Variants in OXNAD1 observed in about 807,000 individuals in gnomAD.
The protein encoded by OXNAD1 is oxidoreductase NAD-binding domain-containing protein 1.
In OXNAD1, 34 loss-of-function variants were observed where a neutral mutation model predicts 32.9. The ratio of observed to expected loss-of-function variants is 1.03; its 90% confidence interval spans 0.79 to 1.38. The LOEUF (loss-of-function observed/expected upper bound fraction) is 1.38. Among genes scored for constraint, OXNAD1 ranks in the 40% most tolerant of loss-of-function variants. The pLI is 0.00. For missense variants in OXNAD1, 407 were observed against 379.4 expected, an observed-to-expected ratio of 1.07 and a Z score of -0.60; for synonymous variants, 134 against 135.2, an observed-to-expected ratio of 0.99 and a Z score of 0.06.
downstream of OXNAD1, among the ~76,000 whole-genome samples, chr3:16,306,621 A>G (rs1352053525): frequency 6.6e-6 from 1 of 152,120 alleles, no homozygotes; most frequent in Admixed American, 6.5e-5. Context: ...CCCATGATTC[A>G]TTTGTTAAAG....
intron 2 of OXNAD1, among the ~76,000 whole-genome samples, chr3:16,269,919 A>T (rs1213025488): frequency 6.6e-6 from 1 of 152,198 alleles, no homozygotes; most frequent in Non-Finnish European, 1.5e-5. Context: ...TTAGACAAAG[A>T]AATGTTTAAA....
At chr3:16,352,092 G>A (rs983730698), downstream of OXNAD1, among the ~76,000 whole-genome samples, 1 of 152,222 alleles carries the variant, frequency 6.6e-6, no homozygotes, top group African/African-American at 2.4e-5. This position sits in a 1 kb window ranked among gnomAD's most constrained non-coding sequence, Gnocchi z 4.6. Flanking sequence ...GTGTAAGATA[G>A]GAATCTGATT....
At chr3:16,273,921 C>T (rs185146588) in intron 4 of OXNAD1, among the ~76,000 whole-genome samples, 1 of 150,858 alleles carries the variant, frequency 6.6e-6, no homozygotes, top group Non-Finnish European at 1.5e-5. Context: ...TAATAAAAGA[C>T]CTTTATCTCC....
rs1327017269 is a variant in OXNAD1, at chr3:16,280,214, A to ATGGGGAGGG, written c.184-6126_184-6118dup. On this transcript the variant is annotated intron_variant, in intron 4 of 8. Coordinates refer to ENST00000285083, the MANE Select transcript of OXNAD1 (RefSeq NM_138381.5). This position sits in a 1 kb window ranked among gnomAD's most constrained non-coding sequence, Gnocchi z 4.5. ...GAGATCCTAGAGCTCGTGTGTTCTGATGGGGAGGGTAGAGAGGGTGTGATG... is the reference window on the plus strand; with the variant it reads ...GAGATCCTAGAGCTCGTGTGTTCTGATGGGGAGGGTGGGGAGGGTAGAGAGGGTGTGATG... Among the ~76,000 whole-genome samples the ATGGGGAGGG allele has an allele frequency of 6.6e-6, 1 of 152,012 alleles. No individual in the cohort carries two copies. The highest frequency in any genetic ancestry group is 2.4e-5 in the African/African-American group (1 of 41,356).
At chr3:16,340,279 G>C (rs1228122658), downstream of OXNAD1, among the ~76,000 whole-genome samples, 2 of 152,236 alleles carry the variant, frequency 1.3e-5, no homozygotes, top group African/African-American at 4.8e-5. Context: ...CATGAAATAA[G>C]CTAGCACATT....
rs958240924 is a variant in OXNAD1 at position 16,302,897 on chromosome 3, A to G, written c.784+149A>G. 1.9e-5 allele frequency: 13 copies of G among 685,260 alleles called. No homozygotes were observed. Among genetic ancestry groups the G allele is most frequent in the Non-Finnish European group, 3.3e-5 (13 of 393,330 alleles). 42.4% of individuals were successfully genotyped at this position (685,260 alleles called of 1,614,324 possible). A position where few individuals can be genotyped will look rare whatever the true frequency, so the allele number is the denominator to read the frequency against. On this transcript the variant is annotated intron_variant, in intron 8 of 8. Transcript: ENST00000285083. The surrounding 1 kb of genome is among the most constrained non-coding windows in gnomAD (Gnocchi z 4.2). The stretch of plus-strand genomic sequence containing the variant: ...GGGATGATTCCTCATGGAAAAATGG[A>G]TATTTAGTTGGGTTTACTCATTATA...
In OXNAD1 at chr3:16,322,310, A is replaced by G. The variant is rs1190528259; in HGVS notation, c.*31-14802A>G. ...GGCTTCAAGTCACCATTGCTTTGGC[A>G]CTCCTTCCACAAGTGGGCTCCCCCT... On this transcript the variant is annotated intron_variant, in intron 9 of 9. Coordinates refer to the OXNAD1 transcript ENST00000435829. This position sits in a 1 kb window ranked among gnomAD's most constrained non-coding sequence, Gnocchi z 6.2. 1.3e-5 allele frequency among the ~76,000 whole-genome samples: 2 copies of G among 151,788 alleles called. No individual in the cohort carries two copies. The highest frequency in any genetic ancestry group is 2.1e-4 in the South Asian group (1 of 4,798).
Position 16,348,313 on chromosome 3 carries a change from T to C in OXNAD1, c.*31-863T>C, listed in dbSNP as rs372686856. On this transcript the variant is annotated intron_variant, in intron 9 of 9. Coordinates refer to the OXNAD1 transcript ENST00000606098. This position sits in a 1 kb window ranked among gnomAD's most constrained non-coding sequence, Gnocchi z 6.3. ...AGGAGATCACCCACATTATCTATTA[T>C]TGAAGGCATCTAGGAGATCATCCAC... Among the ~76,000 whole-genome samples, 1 of 152,150 alleles carries C rather than the reference T, an allele frequency of 6.6e-6. No homozygotes were observed. Among genetic ancestry groups the C allele is most frequent in the African/African-American group, 2.4e-5 (1 of 41,430 alleles).
chr3:16,285,207 A>T (rs899706855), intron 4 of OXNAD1, among the ~76,000 whole-genome samples: 4 of 152,234 alleles, frequency 2.6e-5, no homozygotes, highest in African/African-American at 9.6e-5. Context: ...ATCCATCATG[A>T]GAATTATCCA....
At chr3:16,283,850 A>G (rs2065907312) in intron 4 of OXNAD1, among the ~76,000 whole-genome samples, 1 of 152,106 alleles carries the variant, frequency 6.6e-6, no homozygotes, top group Admixed American at 6.5e-5. Flanking sequence ...AGGAGAATGC[A>G]TCAGTGTGGA....
intron 9 of OXNAD1, among the ~76,000 whole-genome samples, chr3:16,331,995 T>G (rs548072449): frequency 6.6e-6 from 1 of 152,380 alleles, no homozygotes; most frequent in Non-Finnish European, 1.5e-5. Flanking sequence ...TGATTACTAA[T>G]ATTTTAACTG....
At chr3:16,326,841 C>T (rs761582997) in intron 9 of OXNAD1, 14 of 1,614,096 alleles carry the variant, frequency 8.7e-6, no homozygotes, top group Non-Finnish European at 4.2e-6. Flanking sequence ...CCAGCGAGTT[C>T]AGCAGGGGCA....
At position 16,287,829 on chromosome 3, in the gene OXNAD1, C is replaced by T. The variant is rs1377851035; in HGVS notation, c.290+1381C>T. 6.6e-6 allele frequency among the ~76,000 whole-genome samples: 1 copy of T among 152,220 alleles called. No individual in the cohort carries two copies. The highest frequency in any genetic ancestry group is 1.5e-5 in the Non-Finnish European group (1 of 68,038). On this transcript the variant is annotated intron_variant, in intron 5 of 8. Transcript: ENST00000285083. This position sits in a 1 kb window ranked among gnomAD's most constrained non-coding sequence, Gnocchi z 4.8. Reference sequence around the variant, plus strand: ...AGAAATAGAGTCCTACTGTGATTCTCAAGATGAAATGATTTGGGATTGGTG... The same window carrying T: ...AGAAATAGAGTCCTACTGTGATTCTTAAGATGAAATGATTTGGGATTGGTG...
intron 9 of OXNAD1, among the ~76,000 whole-genome samples, chr3:16,343,029 G>C (rs183356047): frequency 1.3e-5 from 2 of 152,218 alleles, no homozygotes; most frequent in East Asian, 1.9e-4. Flanking sequence ...TTAATGTAGA[G>C]AGACAAGGTC....
intron 9 of OXNAD1, chr3:16,326,986 T>TGCC (rs753465019): frequency 6.6e-6 from 5 of 755,332 alleles, no homozygotes; most frequent in Non-Finnish European, 1.1e-5. Context: ...GAAGTGGCGG[T>TGCC]GCCCGGCCAC....
chr3:16,308,363 G>A (rs2125116856), downstream of OXNAD1, among the ~76,000 whole-genome samples: 1 of 152,248 alleles, frequency 6.6e-6, no homozygotes, highest in African/African-American at 2.4e-5. This position sits in a 1 kb window ranked among gnomAD's most constrained non-coding sequence, Gnocchi z 4.4. Context: ...GCTCTGGAGG[G>A]TAGGAGGATT....
rs1399017152 is a variant in OXNAD1 at position 16,303,198 on chromosome 3, C to T, written c.785-210C>T. On this transcript the variant is annotated intron_variant, in intron 8 of 8. Coordinates refer to ENST00000285083, the MANE Select transcript of OXNAD1 (RefSeq NM_138381.5). This position sits in a 1 kb window ranked among gnomAD's most constrained non-coding sequence, Gnocchi z 4.8. ...AGAGTGCATTACGATGAGCTTCCCA[C>T]TTTGCTTGCTTAGGTTTAGGAAGCC... 6.6e-6 allele frequency among the ~76,000 whole-genome samples: 1 copy of T among 152,206 alleles called. No homozygotes were observed. The highest frequency in any genetic ancestry group is 1.5e-5 in the Non-Finnish European group (1 of 68,044).
intron 5 of OXNAD1, among the ~76,000 whole-genome samples, chr3:16,286,697 A>T (rs1012603170): frequency 6.6e-6 from 1 of 152,180 alleles, no homozygotes; most frequent in African/African-American, 2.4e-5. Context: ...TGTTTTCCAC[A>T]TTCAAACAAA....
chr3:16,328,317 A>G (rs898473448), intron 9 of OXNAD1, among the ~76,000 whole-genome samples: 5 of 152,340 alleles, frequency 3.3e-5, no homozygotes, highest in East Asian at 3.9e-4. Context: ...GCGCGTGACC[A>G]TGGTCTGGAG....
Sources: gnomAD v4.1 joint callset for allele counts (sites outside exome capture counted in the v4.1 genomes callset) on GRCh38, gnomAD v4.1.1 for gene constraint, Gnocchi (gnomAD v3.1) non-coding constraint, MANE v1.5 for transcripts, NCBI Gene and HGNC (gene_info 2026-07-23, HGNC 2026-07-21) for gene names.